Variants in OSBPL6 observed in about 807,000 individuals in gnomAD.
The protein encoded by OSBPL6 is oxysterol-binding protein-related protein 6.
In OSBPL6, 49 loss-of-function variants were observed where a neutral mutation model predicts 125.8. That is an observed-to-expected ratio of 0.39 (90% confidence interval 0.31 to 0.49). The LOEUF is 0.49. Ranked by LOEUF, OSBPL6 falls within the 20% of genes least tolerant of loss-of-function variation. OSBPL6 has a pLI of 0.88. For synonymous variants in OSBPL6, 394 were observed against 391.8 expected (o/e 1.01, Z -0.07); for missense variants, 986 against 1,135.4 (o/e 0.87, Z 1.89).
intron 20 of OSBPL6, 37 bp downstream of exon 20, chr2:178,387,176 G>A (rs1390365560): frequency 6.7e-7 from 1 of 1,482,454 alleles, no homozygotes. Flanking sequence ...CCTCTTGTCT[G>A]CTTTTCTAAA....
intron 1 of OSBPL6, among the ~76,000 whole-genome samples, chr2:178,278,129 G>C (rs908338762): frequency 2.0e-5 from 3 of 151,940 alleles, no homozygotes; most frequent in African/African-American, 4.8e-5. Flanking sequence ...ATTCATCCCT[G>C]CATGCCCATT....
chr2:178,259,623 C>CA (rs937147213), intron 1 of OSBPL6, among the ~76,000 whole-genome samples: 10 of 151,418 alleles, frequency 6.6e-5, no homozygotes, highest in Admixed American at 2.0e-4. Flanking sequence ...CCCATCCCAC[C>CA]AAAAAAAAGT....
intron 15 of OSBPL6, among the ~76,000 whole-genome samples, chr2:178,378,840 T>C (rs906672763): frequency 6.6e-6 from 1 of 152,132 alleles, no homozygotes; most frequent in African/African-American, 2.4e-5. Context: ...TCTGATCATT[T>C]CTATGATATA....
chr2:178,372,366 G>C lies in OSBPL6; in HGVS notation c.1395+133G>C, dbSNP rs555715314. 61 of 583,364 alleles carry C rather than the reference G, an allele frequency of 1.0e-4. No homozygotes were observed. In the Middle Eastern group the frequency reaches 1.4e-3, roughly 13 times the overall value. The allele number at this position is 583,364 out of a possible 1,614,324, so 36.1% of individuals were successfully genotyped here. A position where few individuals can be genotyped will look rare whatever the true frequency, so the allele number is the denominator to read the frequency against. ...TCCATAAATATTTGTGTCACTGACA[G>C]TTCAGTGTTCTTTGAAGTAAAGGTT... On this transcript the variant is annotated intron_variant, in intron 14 of 24. Transcript: ENST00000190611.
intron 1 of OSBPL6, among the ~76,000 whole-genome samples, chr2:178,270,681 T>G (rs1559185040): frequency 6.6e-6 from 1 of 152,210 alleles, no homozygotes; most frequent in Non-Finnish European, 1.5e-5. Context: ...TTTTAATCTT[T>G]TGGGGATGTA....
At chr2:178,324,427 C>G (rs908244619) in intron 4 of OSBPL6, among the ~76,000 whole-genome samples, 158 bp downstream of exon 4, 1 of 152,226 alleles carries the variant, frequency 6.6e-6, no homozygotes, top group African/African-American at 2.4e-5. Flanking sequence ...AGTAGAGTTT[C>G]TCTGCCCTTT....
At chr2:178,329,784 T>A (rs1357850292) in intron 5 of OSBPL6, among the ~76,000 whole-genome samples, 1 of 152,146 alleles carries the variant, frequency 6.6e-6, no homozygotes, top group African/African-American at 2.4e-5. Flanking sequence ...TAAATCTATA[T>A]ATTTGGCACA....
chr2:178,289,023 T>C (rs1206304748), intron 2 of OSBPL6, among the ~76,000 whole-genome samples: 2 of 146,676 alleles, frequency 1.4e-5, no homozygotes, highest in Non-Finnish European at 1.5e-5. Flanking sequence ...CTTCTTTTTT[T>C]TTTTTTTTTT....
chr2:178,228,661 A>T (rs2090681546), intron 1 of OSBPL6, among the ~76,000 whole-genome samples: 1 of 152,272 alleles, frequency 6.6e-6, no homozygotes, highest in East Asian at 1.9e-4. Flanking sequence ...TATAACCCAA[A>T]TATTATGCTA....
At chr2:178,197,268 G>C (rs979554559) in intron 1 of OSBPL6, among the ~76,000 whole-genome samples, 1 of 152,144 alleles carries the variant, frequency 6.6e-6, no homozygotes, top group Admixed American at 6.5e-5. Flanking sequence ...CTTCTGTTTT[G>C]CATATATGTC....
intron 23 of OSBPL6, among the ~76,000 whole-genome samples, chr2:178,392,886 A>T (rs59265316): frequency 0.021 from 3,132 of 150,048 alleles, 97 homozygotes; most frequent in African/African-American, 0.072. Flanking sequence ...GCAGACTATT[A>T]TGGCTTGGGG....
At chr2:178,332,798 A>G (rs745774979) in intron 7 of OSBPL6, 44 bp downstream of exon 7, 1 of 1,611,110 alleles carries the variant, frequency 6.2e-7, no homozygotes, top group Non-Finnish European at 8.5e-7. Flanking sequence ...ATCAGGGGAA[A>G]CGATTTGCCT....
At chr2:178,394,256 T>G in intron 23 of OSBPL6, 57 bp from the exon 24 acceptor site, 1 of 1,584,612 alleles carries the variant, frequency 6.3e-7, no homozygotes, top group Non-Finnish European at 8.5e-7. Flanking sequence ...CAAATGAGGT[T>G]TTTTTTCCCC....
intron 11 of OSBPL6, among the ~76,000 whole-genome samples, chr2:178,345,919 A>T (rs957259988): frequency 6.6e-6 from 1 of 152,236 alleles, no homozygotes; most frequent in African/African-American, 2.4e-5. Context: ...AATTGAGAGT[A>T]GAAGAGAAAA....
At chr2:178,307,126 G>T (rs1341905076) in intron 3 of OSBPL6, among the ~76,000 whole-genome samples, 1 of 152,062 alleles carries the variant, frequency 6.6e-6, no homozygotes, top group Non-Finnish European at 1.5e-5. Flanking sequence ...CATCATGCAG[G>T]TTCTCCTTCA....
chr2:178,357,454 A>T (rs1167246708), intron 12 of OSBPL6, among the ~76,000 whole-genome samples: 1 of 152,252 alleles, frequency 6.6e-6, no homozygotes, highest in Non-Finnish European at 1.5e-5. Context: ...AAAAGAAGAC[A>T]TTTATGCAGC....
chr2:178,350,780 C>G (rs192458537), intron 12 of OSBPL6, among the ~76,000 whole-genome samples: 1 of 152,236 alleles, frequency 6.6e-6, no homozygotes, highest in East Asian at 1.9e-4. Context: ...GAAGGAGGTG[C>G]AAAAGGTAGA....
intron 1 of OSBPL6, among the ~76,000 whole-genome samples, chr2:178,204,844 T>C (rs2089448431): frequency 6.6e-6 from 1 of 152,218 alleles, no homozygotes; most frequent in South Asian, 2.1e-4. Flanking sequence ...GTGAGTTGGC[T>C]AGCAGTTTTA....
intron 1 of OSBPL6, among the ~76,000 whole-genome samples, chr2:178,283,685 A>G (rs1049385486): frequency 3.3e-5 from 5 of 152,190 alleles, no homozygotes; most frequent in African/African-American, 9.7e-5. Context: ...AAAGAGGTTT[A>G]TTTGGCTCAT....
Sources: allele counts gnomAD v4.1 joint callset (sites outside exome capture counted in the v4.1 genomes callset), GRCh38; gene constraint gnomAD v4.1.1; transcripts MANE v1.5; gene names NCBI Gene and HGNC (gene_info 2026-07-23, HGNC 2026-07-21).